NAV2: variants seen among roughly 807,000 people sequenced by gnomAD.
The protein encoded by NAV2 is helicase, APC down-regulated 1.
Under a neutral mutation model 223.2 loss-of-function variants are expected in NAV2, and 54 were observed. The ratio of observed to expected loss-of-function variants is 0.24; its 90% CI spans 0.19 to 0.30. The LOEUF (loss-of-function observed/expected upper bound fraction) is 0.30. Among genes scored for constraint, NAV2 ranks in the 10% least tolerant of loss-of-function variants. The pLI, the probability that NAV2 is intolerant of heterozygous loss-of-function variation, is 1.00. For missense variants in NAV2, 2,806 were observed against 3,147.5 expected (o/e 0.89, Z 2.60); for synonymous variants, 1,279 against 1,239.3 (o/e 1.03, Z -0.67).
At chr11:19,511,237 T>A (rs1219394229) in intron 1 of NAV2, 1 of 151,906 alleles carries the variant, frequency 6.6e-6, no homozygotes, top group East Asian at 1.9e-4. Context: ...CAGGCAAAGG[T>A]TTGGACCTGC....
At chr11:19,793,657 A>G (rs2057701353) in intron 1 of NAV2, among the ~76,000 whole-genome samples, 1 of 152,152 alleles carries the variant, frequency 6.6e-6, no homozygotes, top group Non-Finnish European at 1.5e-5. Flanking sequence ...AGAGTGGCCT[A>G]TGGAAAACTT....
At chr11:20,072,657 T>G (rs2059476992) in intron 22 of NAV2, among the ~76,000 whole-genome samples, 1 of 152,188 alleles carries the variant, frequency 6.6e-6, no homozygotes, top group Non-Finnish European at 1.5e-5. Flanking sequence ...TCACGTCCCT[T>G]GTAAGTTGTA....
chr11:19,525,251 A>G (rs926620562), intron 1 of NAV2, among the ~76,000 whole-genome samples: 2 of 152,216 alleles, frequency 1.3e-5, no homozygotes, highest in Admixed American at 6.5e-5. Flanking sequence ...GACACATGGC[A>G]AGTAGGTGGC....
At chr11:19,989,067 C>T (rs1413292775) in intron 11 of NAV2, among the ~76,000 whole-genome samples, 1 of 152,226 alleles carries the variant, frequency 6.6e-6, no homozygotes, top group Non-Finnish European at 1.5e-5. Flanking sequence ...GAAGAGACTG[C>T]TCCCCTCACG....
chr11:20,036,068 G>A lies in NAV2; in HGVS notation c.2878G>A (p.Ala960Thr). 1 of 1,614,162 alleles carries A rather than the reference G, an allele frequency of 6.2e-7. No homozygotes were observed. The highest frequency in any genetic ancestry group is 8.5e-7 in the Non-Finnish European group (1 of 1,180,008). The change falls in exon 12 of 38, where the codon GCC (alanine) becomes ACC (threonine). Residue 960 changes from alanine (A) to threonine (T), a missense_variant. Transcript: ENST00000349880. Reference sequence around the variant, plus strand: ...CATCAGCTCTTATGCCAACACACCTGCCTCCTCTCGAAAAAACCTGGATGT... The same window carrying A: ...CATCAGCTCTTATGCCAACACACCTACCTCCTCTCGAAAAAACCTGGATGT... ...SSISSYANTP[A>T]SSRKNLDVQT...
chr11:19,766,229 C>T lies in NAV2; in HGVS notation c.267+52267C>T, dbSNP rs139919572. The stretch of plus-strand genomic sequence containing the variant: ...CAACAAGGCCCTCTTTTTAAATCCT[C>T]AGCCCGGTTGGCTCTGTGTAATGCA... On this transcript the variant is annotated intron_variant, in intron 1 of 37. Coordinates refer to ENST00000349880, the MANE Select transcript of NAV2 (RefSeq NM_145117.5). 4.4e-3 allele frequency among the ~76,000 whole-genome samples: 669 copies of T among 152,258 alleles called. 1 individual carries two copies. The highest frequency in any genetic ancestry group is 7.0e-3 in the Admixed American group (107 of 15,306).
intron 10 of NAV2, among the ~76,000 whole-genome samples, chr11:19,980,733 G>A (rs966340040): frequency 2.0e-5 from 3 of 152,134 alleles, no homozygotes; most frequent in Non-Finnish European, 4.4e-5. Flanking sequence ...TTTTGGTCCA[G>A]CAAACCCAAA....
chr11:19,499,144 G>A (rs2042886445), intron 1 of NAV2, among the ~76,000 whole-genome samples: 1 of 152,192 alleles, frequency 6.6e-6, no homozygotes, highest in South Asian at 2.1e-4. Flanking sequence ...AGCTGCCTTT[G>A]CCACCTGTGT....
intron 1 of NAV2, among the ~76,000 whole-genome samples, chr11:19,820,007 A>G (rs2059289437): frequency 6.6e-6 from 1 of 152,230 alleles, no homozygotes; most frequent in Non-Finnish European, 1.5e-5. Flanking sequence ...TGTGCCTAGA[A>G]GGTGGAGCTG....
chr11:19,641,241 G>T (rs2047655004), intron 1 of NAV2, among the ~76,000 whole-genome samples: 1 of 152,132 alleles, frequency 6.6e-6, no homozygotes, highest in Admixed American at 6.5e-5. Flanking sequence ...GTTTGACTTT[G>T]TAATAATATT....
intron 2 of NAV2, among the ~76,000 whole-genome samples, chr11:19,838,720 T>C (rs1590823345): frequency 6.6e-6 from 1 of 152,042 alleles, no homozygotes. Flanking sequence ...GCCTCCCGGG[T>C]TCAAGCAATT....
intron 37 of NAV2, among the ~76,000 whole-genome samples, chr11:20,117,545 G>A (rs1015880571): frequency 4.6e-5 from 7 of 152,118 alleles, no homozygotes; most frequent in Admixed American, 2.0e-4. Flanking sequence ...GCTTGTAACT[G>A]GTGCTCCCCC....
At chr11:19,707,727 A>G (rs981632639) in intron 1 of NAV2, among the ~76,000 whole-genome samples, 3 of 152,234 alleles carry the variant, frequency 2.0e-5, no homozygotes, top group Non-Finnish European at 2.9e-5. Flanking sequence ...TCAACTATAT[A>G]AAGTATTAGG....
intron 3 of NAV2, among the ~76,000 whole-genome samples, chr11:19,859,785 C>T (rs1402898119): frequency 1.4e-5 from 2 of 146,318 alleles, no homozygotes; most frequent in South Asian, 2.2e-4. Flanking sequence ...CCCCCCACCT[C>T]CCTCCCGGAC....
chr11:19,672,047 C>T (rs756114906), intron 1 of NAV2, among the ~76,000 whole-genome samples: 3 of 152,102 alleles, frequency 2.0e-5, no homozygotes, highest in East Asian at 1.9e-4. Flanking sequence ...GGAAGATTTC[C>T]GAGTTGAGTA....
chr11:19,370,630 G>C (rs1223043719), intron 1 of NAV2, among the ~76,000 whole-genome samples: 1 of 152,248 alleles, frequency 6.6e-6, no homozygotes, highest in Non-Finnish European at 1.5e-5. Context: ...TCCCTTTCCT[G>C]TGATACTTTG....
At chr11:19,684,678 G>A (rs933795099) in intron 1 of NAV2, among the ~76,000 whole-genome samples, 1 of 152,110 alleles carries the variant, frequency 6.6e-6, no homozygotes, top group Non-Finnish European at 1.5e-5. Flanking sequence ...TGCAAGCCCA[G>A]TGCCAACCCC....
intron 1 of NAV2, among the ~76,000 whole-genome samples, chr11:19,803,759 G>GA (rs1324205270): frequency 6.6e-6 from 1 of 152,214 alleles, no homozygotes; most frequent in African/African-American, 2.4e-5. Flanking sequence ...TTTTGCAATG[G>GA]AAAAATTCTG....
intron 23 of NAV2, 130 bp downstream of exon 23, chr11:20,077,765 G>A: frequency 1.3e-6 from 1 of 785,492 alleles, no homozygotes; most frequent in South Asian, 1.7e-5. Context: ...TTAATTGTAA[G>A]GAGTCCAATC....
Sources: allele counts gnomAD v4.1 joint callset (sites outside exome capture counted in the v4.1 genomes callset), GRCh38; gene constraint gnomAD v4.1.1; transcripts MANE v1.5; gene names NCBI Gene and HGNC (gene_info 2026-07-23, HGNC 2026-07-21).